The following CERT1 variants were observed in gnomAD, a reference collection of about 807,000 sequenced individuals.
CERT1 encodes ceramide transporter 1, also known as ceramide transfer protein.
Under a neutral mutation model 87.9 loss-of-function variants are expected in CERT1, and 31 were observed. The observed-to-expected ratio is 0.35, with a 90% CI of 0.27 to 0.48. CERT1 has a LOEUF of 0.48. CERT1 is among the 20% of genes least tolerant of loss of function. The pLI, the probability that CERT1 is intolerant of heterozygous loss-of-function variation, is 0.99. For missense variants in CERT1, 487 were observed against 758.0 expected (o/e 0.64, Z 4.20); for synonymous variants, 289 against 250.9 (o/e 1.15, Z -1.44).
intron 3 of CERT1, among the ~76,000 whole-genome samples, chr5:75,434,508 A>T (rs2112220828): frequency 6.6e-6 from 1 of 152,154 alleles, no homozygotes; most frequent in South Asian, 2.1e-4. Context: ...CCTCAGAATG[A>T]GTTAGGGAGG....
At chr5:75,383,870 A>C (rs1761682279) in intron 14 of CERT1, among the ~76,000 whole-genome samples, 1 of 152,166 alleles carries the variant, frequency 6.6e-6, no homozygotes, top group Admixed American at 6.5e-5. Flanking sequence ...GGCAGTTTTC[A>C]GAAGAGAAAG....
chr5:75,501,239 C>T (rs565275669), intron 2 of CERT1, among the ~76,000 whole-genome samples: 120 of 152,248 alleles, frequency 7.9e-4, no homozygotes, highest in Non-Finnish European at 8.7e-4. Flanking sequence ...CAGCAACCCC[C>T]TACCTCACCA....
At chr5:75,463,537 A>C (rs1289135074) in intron 2 of CERT1, among the ~76,000 whole-genome samples, 1 of 152,210 alleles carries the variant, frequency 6.6e-6, no homozygotes, top group African/African-American at 2.4e-5. Flanking sequence ...CTACCAAAAT[A>C]ACCTTATAGG....
At chr5:75,456,818 T>G (rs752751617) in intron 3 of CERT1, among the ~76,000 whole-genome samples, 4 of 152,072 alleles carry the variant, frequency 2.6e-5, no homozygotes, top group Non-Finnish European at 4.4e-5. Flanking sequence ...ATTAAATCTA[T>G]CCATTGTTCA....
chr5:75,448,042 G>C (rs1456143734), intron 3 of CERT1, among the ~76,000 whole-genome samples: 1 of 152,162 alleles, frequency 6.6e-6, no homozygotes, highest in African/African-American at 2.4e-5. Flanking sequence ...ATAGTTTTAA[G>C]ACTTGTAAAC....
intron 2 of CERT1, among the ~76,000 whole-genome samples, chr5:75,464,870 A>C (rs1765395657): frequency 6.6e-6 from 1 of 152,122 alleles, no homozygotes; most frequent in African/African-American, 2.4e-5. Flanking sequence ...GAGCCACCGC[A>C]AGTGGCCCGG....
intron 2 of CERT1, among the ~76,000 whole-genome samples, chr5:75,470,508 T>C (rs1420266917): frequency 2.0e-5 from 3 of 152,106 alleles, no homozygotes; most frequent in South Asian, 2.1e-4. Context: ...ATTAACAGAA[T>C]TGATGGACAA....
At chr5:75,487,593 C>T (rs1475820411) in intron 2 of CERT1, among the ~76,000 whole-genome samples, 1 of 151,858 alleles carries the variant, frequency 6.6e-6, no homozygotes, top group East Asian at 1.9e-4. Context: ...GGATTAATAA[C>T]CAGAATATAC....
intron 16 of CERT1, 67 bp downstream of exon 16, chr5:75,381,005 T>G (rs560165297): frequency 3.0e-5 from 47 of 1,544,514 alleles, no homozygotes; most frequent in Non-Finnish European, 3.9e-5. Context: ...TTGTCCAAAT[T>G]GTTGTCATAT....
In CERT1 at chr5:75,511,414, G is replaced by T. The variant is rs1360845880; in HGVS notation, c.-207C>A. On this transcript the variant is annotated 5_prime_UTR_variant, in exon 1 of 17. Transcript: ENST00000643780. Reference sequence around the variant, plus strand: ...GCGGAGCGAGGAAGGAGGACGAGCGGTGAAGGAAGCCTACCCTTCCAGCCG... The same window carrying T: ...GCGGAGCGAGGAAGGAGGACGAGCGTTGAAGGAAGCCTACCCTTCCAGCCG... 1 of 1,545,370 alleles carries T rather than the reference G, an allele frequency of 6.5e-7. No homozygotes were observed. The highest frequency in any genetic ancestry group is 1.2e-5 in the South Asian group (1 of 83,886).
At chr5:75,388,716 C>T (rs555283195) in intron 12 of CERT1, among the ~76,000 whole-genome samples, 152 of 150,160 alleles carry the variant, frequency 1.0e-3, no homozygotes, top group Middle Eastern at 3.5e-3. Flanking sequence ...GCCTTGACCT[C>T]CCTGGCTCAA....
At chr5:75,483,443 G>A (rs1455238014) in intron 2 of CERT1, among the ~76,000 whole-genome samples, 1 of 152,142 alleles carries the variant, frequency 6.6e-6, no homozygotes, top group Non-Finnish European at 1.5e-5. Flanking sequence ...AATAGAGAGT[G>A]AGGTGAAGGT....
chr5:75,481,229 C>A (rs1766227135), intron 2 of CERT1, among the ~76,000 whole-genome samples: 1 of 152,172 alleles, frequency 6.6e-6, no homozygotes, highest in South Asian at 2.1e-4. Flanking sequence ...CTCACCTGGT[C>A]ACCACTTCTT....
At chr5:75,458,251 T>C (rs1765082697) in intron 3 of CERT1, among the ~76,000 whole-genome samples, 3 of 152,172 alleles carry the variant, frequency 2.0e-5, no homozygotes, top group African/African-American at 4.8e-5. Context: ...TTAAATTATA[T>C]GAATGTACCT....
rs139464021 is a variant in CERT1, at chr5:75,425,317, C to G, written c.595+44G>C. On this transcript the variant is annotated intron_variant, in intron 5 of 16. Coordinates refer to ENST00000643780, the MANE Select transcript of CERT1 (RefSeq NM_001379029.1). Reference sequence around the variant, plus strand: ...CCTTTGAGATCAAGAGGCTTTTAATCCATTCATTCTCCAAGTAAAAATAGT... The same window carrying G: ...CCTTTGAGATCAAGAGGCTTTTAATGCATTCATTCTCCAAGTAAAAATAGT... 7 of 1,567,322 alleles carry G rather than the reference C, an allele frequency of 4.5e-6. No homozygotes were observed. The African/African-American group carries it at 5.4e-5, about 12-fold the overall frequency.
intron 2 of CERT1, among the ~76,000 whole-genome samples, chr5:75,500,408 T>C (rs1285376491): frequency 6.6e-6 from 1 of 152,206 alleles, no homozygotes; most frequent in Non-Finnish European, 1.5e-5. Flanking sequence ...CCCTTTTTCA[T>C]GTTTTTCTTC....
intron 2 of CERT1, among the ~76,000 whole-genome samples, chr5:75,461,729 T>A (rs1765240640): frequency 6.6e-6 from 1 of 151,528 alleles, no homozygotes; most frequent in Non-Finnish European, 1.5e-5. Context: ...ATCTATGATC[T>A]GGAGCATAGG....
intron 2 of CERT1, among the ~76,000 whole-genome samples, chr5:75,483,802 A>G (rs1766372578): frequency 6.6e-6 from 1 of 152,112 alleles, no homozygotes; most frequent in Non-Finnish European, 1.5e-5. Context: ...GGACTTCAAC[A>G]CTAGACCTGT....
intron 2 of CERT1, among the ~76,000 whole-genome samples, chr5:75,478,755 T>TA (rs1766086324): frequency 6.6e-6 from 1 of 151,876 alleles, no homozygotes; most frequent in Admixed American, 6.6e-5. Flanking sequence ...GCAAAGCCTA[T>TA]ATTGAGTAGT....
Sources: allele counts gnomAD v4.1 joint callset (sites outside exome capture counted in the v4.1 genomes callset), GRCh38; gene constraint gnomAD v4.1.1; transcripts MANE v1.5; gene names NCBI Gene and HGNC (gene_info 2026-07-23, HGNC 2026-07-21).